The following COL25A1 variants were observed in gnomAD, a reference collection of about 807,000 sequenced individuals.
The protein encoded by COL25A1 is collagen type XXV alpha 1 chain, also known as collagen alpha-1(XXV) chain.
A neutral mutation model predicts 128.4 loss-of-function variants in COL25A1; 103 were observed. The observed-to-expected ratio is 0.80, with a 90% CI of 0.68 to 0.94. COL25A1 has a LOEUF of 0.94. Ranked by LOEUF, COL25A1 falls within the 40% of genes least tolerant of loss-of-function variation. The probability of loss-of-function intolerance (pLI) is 0.00; values close to 1 mark genes in which losing one functional copy is unlikely to be tolerated. For synonymous variants in COL25A1, 279 were observed against 277.2 expected (o/e 1.01, Z -0.06); for missense variants, 745 against 840.0 (o/e 0.89, Z 1.40).
At chr4:109,059,698 T>A (rs1252890888) in intron 3 of COL25A1, among the ~76,000 whole-genome samples, 1 of 152,194 alleles carries the variant, frequency 6.6e-6, no homozygotes, top group Non-Finnish European at 1.5e-5. Flanking sequence ...GCTCAGTTAA[T>A]ATGCTCTTAT....
At chr4:109,196,581 A>G (rs562290797) in intron 3 of COL25A1, among the ~76,000 whole-genome samples, 1 of 152,288 alleles carries the variant, frequency 6.6e-6, no homozygotes, top group Non-Finnish European at 1.5e-5. Flanking sequence ...TCCACTTCAA[A>G]TCTTTTCGAA....
At chr4:109,151,286 T>A (rs1771477335) in intron 3 of COL25A1, among the ~76,000 whole-genome samples, 1 of 152,128 alleles carries the variant, frequency 6.6e-6, no homozygotes. Flanking sequence ...TTCCAATGTA[T>A]GATGTCTTCC....
At chr4:108,863,483 G>A (rs1737515351) in intron 20 of COL25A1, 96 bp from the exon 21 acceptor site, 1 of 977,088 alleles carries the variant, frequency 1.0e-6, no homozygotes, top group East Asian at 2.7e-5. Flanking sequence ...AAAGAAAGCA[G>A]AGAGTTTTCA....
intron 3 of COL25A1, among the ~76,000 whole-genome samples, chr4:109,293,674 G>A (rs1180794951): frequency 6.6e-6 from 1 of 152,048 alleles, no homozygotes; most frequent in African/African-American, 2.4e-5. Flanking sequence ...TGGTATTCAT[G>A]ACAAATAAGG....
rs1234157774 is a variant in COL25A1 at position 109,294,764 on chromosome 4, C to T, written c.367+5819G>A. ...AACCTTTTTCATGATAGGTTCTGGA[C>T]GGTTTCCACTCAGGATAACATAGAT... On this transcript the variant is annotated intron_variant, in intron 3 of 37. Coordinates refer to ENST00000399132, the MANE Select transcript of COL25A1 (RefSeq NM_198721.4). Among the ~76,000 whole-genome samples the T allele has an allele frequency of 6.6e-5, 10 of 152,162 alleles. No individual in the cohort carries two copies. The East Asian group carries it at 1.3e-3, about 21-fold the overall frequency.
At chr4:108,986,331 T>A (rs1235994223) in intron 6 of COL25A1, among the ~76,000 whole-genome samples, 2 of 152,200 alleles carry the variant, frequency 1.3e-5, no homozygotes, top group African/African-American at 2.4e-5. Context: ...ATAGATGTAT[T>A]TGGTGAAAGG....
At chr4:109,043,695 G>A (rs1012467121) in intron 5 of COL25A1, among the ~76,000 whole-genome samples, 4 of 152,102 alleles carry the variant, frequency 2.6e-5, no homozygotes, top group African/African-American at 7.2e-5. Context: ...GAGACAGAGA[G>A]ACTGCACCCA....
chr4:108,877,456 A>G (rs183308157), intron 19 of COL25A1, among the ~76,000 whole-genome samples: 204 of 152,326 alleles, frequency 1.3e-3, no homozygotes, highest in African/African-American at 4.5e-3. Context: ...CTATATGTAC[A>G]CACAGAAATG....
intron 20 of COL25A1, among the ~76,000 whole-genome samples, chr4:108,866,812 AAAT>A (rs1737985425): frequency 6.6e-6 from 1 of 152,210 alleles, no homozygotes; most frequent in African/African-American, 2.4e-5. Flanking sequence ...TAGATATTTC[AAAT>A]AATACCGATG....
chr4:109,100,030 C>G (rs1765748341), intron 3 of COL25A1, among the ~76,000 whole-genome samples: 1 of 152,012 alleles, frequency 6.6e-6, no homozygotes, highest in Non-Finnish European at 1.5e-5. Flanking sequence ...CCAAAATACT[C>G]TAAAAATATT....
chr4:109,055,647 A>G (rs1761387190), intron 3 of COL25A1, among the ~76,000 whole-genome samples: 1 of 152,176 alleles, frequency 6.6e-6, no homozygotes, highest in Non-Finnish European at 1.5e-5. Flanking sequence ...ATGTATTATT[A>G]ATCTTTGTGA....
At position 108,896,664 on chromosome 4, in the gene COL25A1, T is replaced by C. The variant is rs1742192611; in HGVS notation, c.906+3A>G. ...TACCCTTTCATGTCTTACAAAACTG[T>C]ACCTTTTCGCCTGTGTCACCCTTGG... is the stretch of plus-strand genomic sequence containing the variant. On this transcript the variant is annotated splice_donor_region_variant and intron_variant, in intron 16 of 37. Coordinates refer to ENST00000399132, the MANE Select transcript of COL25A1 (RefSeq NM_198721.4). The C allele has an allele frequency of 6.2e-7, 1 of 1,613,634 alleles. No individual in the cohort carries two copies.
chr4:108,934,366 AG>A (rs1047751572), intron 11 of COL25A1, among the ~76,000 whole-genome samples: 6 of 152,150 alleles, frequency 3.9e-5, no homozygotes, highest in African/African-American at 1.4e-4. Context: ...GGATAGCATT[AG>A]GAAAAATACC....
At chr4:108,979,804 G>A (rs1033501773) in intron 6 of COL25A1, among the ~76,000 whole-genome samples, 7 of 152,220 alleles carry the variant, frequency 4.6e-5, no homozygotes, top group African/African-American at 1.4e-4. Flanking sequence ...GAGTCTGGAG[G>A]AGGGACATGT....
At position 109,197,463 on chromosome 4, in the gene COL25A1, TTA is replaced by T. The variant is rs1468227982; in HGVS notation, c.367+103118_367+103119del. 1.7e-3 allele frequency among the ~76,000 whole-genome samples: 124 copies of T among 71,890 alleles called. 1 individual carries two copies. The highest frequency in any genetic ancestry group is 3.5e-3 in the African/African-American group (83 of 23,632). The allele number at this position is 71,890 out of a possible 152,430, so 47.2% of individuals were successfully genotyped here. On this transcript the variant is annotated intron_variant, in intron 3 of 37. Coordinates refer to ENST00000399132, the MANE Select transcript of COL25A1 (RefSeq NM_198721.4). Reference sequence around the variant, plus strand: ...ATATTATATATATTATATATAAATATTATATATAATATATATTATATATTATA... The same window carrying T: ...ATATTATATATATTATATATAAATATTATATAATATATATTATATATTATA...
At chr4:108,982,758 C>G (rs1753119323) in intron 6 of COL25A1, among the ~76,000 whole-genome samples, 1 of 152,162 alleles carries the variant, frequency 6.6e-6, no homozygotes, top group Admixed American at 6.5e-5. Context: ...GCCTCACTTA[C>G]TAGAAAACAA....
At chr4:109,137,984 A>ATATGTGTGTGTGTGTGTG (rs547874075) in intron 3 of COL25A1, among the ~76,000 whole-genome samples, 9,928 of 142,364 alleles carry the variant, frequency 0.07, 467 homozygotes, top group Admixed American at 0.11. Flanking sequence ...TTATATATAT[A>ATATGTGTGTGTGTGTGTG]TGTGTGTGTG....
intron 3 of COL25A1, among the ~76,000 whole-genome samples, chr4:109,230,574 C>T (rs1779099722): frequency 1.3e-5 from 2 of 152,146 alleles, no homozygotes; most frequent in African/African-American, 4.8e-5. Context: ...TAAAACTTAA[C>T]AATGATGTTA....
At chr4:108,861,983 T>C (rs1737276420) in intron 22 of COL25A1, among the ~76,000 whole-genome samples, 1 of 152,054 alleles carries the variant, frequency 6.6e-6, no homozygotes, top group Non-Finnish European at 1.5e-5. Flanking sequence ...CTTGCACACA[T>C]TTTTTTCCAC....
Sources: allele counts gnomAD v4.1 joint callset (sites outside exome capture counted in the v4.1 genomes callset), GRCh38; gene constraint gnomAD v4.1.1; transcripts MANE v1.5; gene names NCBI Gene and HGNC (gene_info 2026-07-23, HGNC 2026-07-21).